FAM13B: variants seen among roughly 807,000 people sequenced by gnomAD.
The protein encoded by FAM13B is family with sequence similarity 13 member B.
In FAM13B, 60 loss-of-function variants were observed where a neutral mutation model predicts 117.3. The ratio of observed to expected loss-of-function variants is 0.51; its 90% CI spans 0.42 to 0.63. FAM13B has a LOEUF of 0.63. Among genes scored for constraint, FAM13B ranks in the 30% least tolerant of loss-of-function variants. The pLI is 0.00. For synonymous variants in FAM13B, 332 were observed against 356.1 expected (o/e 0.93, Z 0.76); for missense variants, 972 against 1,091.9 (o/e 0.89, Z 1.55).
chr5:138,012,955 G>A (rs549245550), intron 4 of FAM13B, among the ~76,000 whole-genome samples: 1 of 152,152 alleles, frequency 6.6e-6, no homozygotes, highest in African/African-American at 2.4e-5. Context: ...TGTAATCCCA[G>A]CACTTTGAGA....
rs369548946 is a variant in FAM13B at position 137,954,041 on chromosome 5, C to CTTT, written c.1718+122_1718+124dup. On this transcript the variant is annotated intron_variant, in intron 15 of 23. Coordinates refer to ENST00000689681, the MANE Select transcript of FAM13B (RefSeq NM_001385994.1). ...TATGTCTAGAAGACTCAATCTCTCTCTTTTTTTTTTTTTTTTTTTGAGATG... is the reference window on the plus strand; with the variant it reads ...TATGTCTAGAAGACTCAATCTCTCTCTTTTTTTTTTTTTTTTTTTTTTGAGATG... 731 of 388,282 alleles carry CTTT rather than the reference C, an allele frequency of 1.9e-3. 12 individuals carry two copies. The highest frequency in any genetic ancestry group is 3.2e-3 in the South Asian group (101 of 31,918). The allele number at this position is 388,282 out of a possible 1,614,324, so 24.1% of individuals were successfully genotyped here.
intron 1 of FAM13B, among the ~76,000 whole-genome samples, chr5:138,050,298 G>A (rs1791763204): frequency 1.3e-5 from 2 of 152,222 alleles, no homozygotes; most frequent in East Asian, 1.9e-4. Flanking sequence ...TTGGCCAGGC[G>A]TGGTGATGCA....
intron 10 of FAM13B, among the ~76,000 whole-genome samples, chr5:137,964,483 G>A (rs1230432760): frequency 6.6e-6 from 1 of 151,760 alleles, no homozygotes; most frequent in Non-Finnish European, 1.5e-5. Context: ...CACTTTGGGA[G>A]GCTGAGGCGA....
At chr5:137,979,539 C>CCAATATTGGAG (rs1775046022) in intron 10 of FAM13B, among the ~76,000 whole-genome samples, 1 of 152,142 alleles carries the variant, frequency 6.6e-6, no homozygotes, top group Non-Finnish European at 1.5e-5. Flanking sequence ...CTACGTATGA[C>CCAATATTGGAG]CCAAATCTAC....
intron 10 of FAM13B, among the ~76,000 whole-genome samples, chr5:137,976,708 T>C (rs189377153): frequency 3.9e-5 from 6 of 152,312 alleles, no homozygotes; most frequent in African/African-American, 1.4e-4. Context: ...ATTGTGAAGA[T>C]TTCATGGACG....
At chr5:138,015,351 C>A (rs1428114017) in intron 4 of FAM13B, among the ~76,000 whole-genome samples, 1 of 152,208 alleles carries the variant, frequency 6.6e-6, no homozygotes, top group Non-Finnish European at 1.5e-5. Context: ...AGTGCTTCTT[C>A]CATGATCTTA....
chr5:138,030,983 A>G (rs1040731426), intron 1 of FAM13B, among the ~76,000 whole-genome samples: 3 of 151,730 alleles, frequency 2.0e-5, no homozygotes, highest in Admixed American at 2.0e-4. Context: ...CAGTCAGCCG[A>G]GATTGCACCA....
At position 137,976,380 on chromosome 5, in the gene FAM13B, C is replaced by G. The variant is rs151289027; in HGVS notation, c.1179+8877G>C. Among the ~76,000 whole-genome samples, 908 of 152,316 alleles carry G rather than the reference C, an allele frequency of 6.0e-3. 9 individuals are homozygous for G. The highest frequency in any genetic ancestry group is 0.02 in the African/African-American group (832 of 41,558). On this transcript the variant is annotated intron_variant, in intron 10 of 23. Transcript: ENST00000689681. ...CCTCTACCTACCAAAGCTCCTCTTT[C>G]TTTACCAATAATTTCTATCACTAAA... is the stretch of plus-strand genomic sequence containing the variant.
intron 10 of FAM13B, among the ~76,000 whole-genome samples, chr5:137,973,991 T>G (rs1773127003): frequency 7.3e-6 from 1 of 137,806 alleles, no homozygotes; most frequent in African/African-American, 2.7e-5. Context: ...ATAGGAACAC[T>G]TTTACACTGT....
At chr5:137,981,921 G>C (rs1271728608) in intron 10 of FAM13B, among the ~76,000 whole-genome samples, 1 of 152,170 alleles carries the variant, frequency 6.6e-6, no homozygotes, top group Non-Finnish European at 1.5e-5. Flanking sequence ...AACTGAGGAA[G>C]TATCTGCAAG....
At chr5:138,050,890 T>G (rs1454399003) in intron 1 of FAM13B, among the ~76,000 whole-genome samples, 2 of 152,228 alleles carry the variant, frequency 1.3e-5, no homozygotes, top group Admixed American at 1.3e-4. Context: ...ACCCTTCTGT[T>G]AAATTGTTTT....
chr5:137,952,723 G>C lies in FAM13B; in HGVS notation c.1849-14C>G, dbSNP rs1386245054. On this transcript the variant is annotated splice_polypyrimidine_tract_variant and intron_variant, in intron 16 of 23. Coordinates refer to ENST00000689681, the MANE Select transcript of FAM13B (RefSeq NM_001385994.1). ...ACTGTAGGAGGGCTGAAAAATTATG[G>C]AGCAGAATCACTGACACTTGTGATA... The C allele has an allele frequency of 6.5e-7, 1 of 1,527,658 alleles. No individual in the cohort carries two copies. The highest frequency in any genetic ancestry group is 9.0e-7 in the Non-Finnish European group (1 of 1,114,140). 94.6% of individuals were successfully genotyped at this position (1,527,658 alleles called of 1,614,324 possible).
At chr5:138,028,967 C>T (rs752049784) in intron 1 of FAM13B, among the ~76,000 whole-genome samples, 3 of 152,022 alleles carry the variant, frequency 2.0e-5, no homozygotes, top group African/African-American at 4.8e-5. Context: ...TGCAGTGAGC[C>T]GAGATCGCCG....
chr5:137,985,182 A>G (rs910708654), intron 10 of FAM13B, 75 bp downstream of exon 10: 11 of 1,445,926 alleles, frequency 7.6e-6, no homozygotes, highest in African/African-American at 2.8e-5. Flanking sequence ...ATACTGAACT[A>G]TAACTTCTGG....
intron 13 of FAM13B, among the ~76,000 whole-genome samples, chr5:137,958,979 T>C (rs1294078133): frequency 1.3e-5 from 2 of 152,200 alleles, no homozygotes; most frequent in East Asian, 3.8e-4. Context: ...CAGTTTTTTA[T>C]CCTCTTGAAG....
chr5:138,011,695 G>C (rs1274783760), intron 5 of FAM13B, 73 bp downstream of exon 5: 3 of 1,087,832 alleles, frequency 2.8e-6, no homozygotes, highest in Non-Finnish European at 2.7e-6. Context: ...TGGGATTACA[G>C]GCATGAGCCA....
Position 138,019,066 on chromosome 5 carries a change from G to A in FAM13B, c.46C>T (p.Leu16Phe). Residue 16 changes from leucine (L) to phenylalanine (F), a missense_variant, in exon 3 of 24, where the codon CTT (leucine) becomes TTT (phenylalanine). Transcript: ENST00000689681. ...GGAATTCCAAATATTTTGTTAGCAA[G>A]AACGGAGTTGCAGTTACTCAAGGAA... ...SPSLSNCNSV[L>F]ANKIFGIPLD... 6.2e-7 allele frequency: 1 copy of A among 1,614,042 alleles called. No homozygotes were observed. Among genetic ancestry groups the A allele is most frequent in the African/African-American group, 1.3e-5 (1 of 75,020 alleles).
intron 10 of FAM13B, among the ~76,000 whole-genome samples, chr5:137,975,979 C>CTTTTTTTTTTT (rs1561483320): frequency 9.6e-5 from 1 of 10,412 alleles, no homozygotes; most frequent in Non-Finnish European, 2.4e-4. Flanking sequence ...CTCAACTCTT[C>CTTTTTTTTTTT]CTTTTTTTTT....
At chr5:137,976,839 T>C (rs144645107) in intron 10 of FAM13B, among the ~76,000 whole-genome samples, 1,752 of 152,254 alleles carry the variant, frequency 0.012, 27 homozygotes, top group African/African-American at 0.04. Context: ...CCTGTGATGA[T>C]TGTATTAACT....
Sources: allele counts gnomAD v4.1 joint callset (sites outside exome capture counted in the v4.1 genomes callset), GRCh38; gene constraint gnomAD v4.1.1; transcripts MANE v1.5; gene names NCBI Gene and HGNC (gene_info 2026-07-23, HGNC 2026-07-21).